WDR27: variants seen among roughly 807,000 people sequenced by gnomAD.
WDR27 encodes WD repeat-containing protein 27.
WDR27 carries 100 observed loss-of-function variants against 114.4 expected under a neutral mutation model. That is an observed-to-expected ratio of 0.87 (90% CI 0.74 to 1.03). WDR27 has a LOEUF of 1.03. Among genes scored for constraint, WDR27 ranks in the 50% least tolerant of loss-of-function variants. The pLI, the probability that WDR27 is intolerant of heterozygous loss-of-function variation, is 0.00. For missense variants in WDR27, 1,129 were observed against 1,092.9 expected, an observed-to-expected ratio of 1.03 and a Z score of -0.47; for synonymous variants, 449 against 423.1, an observed-to-expected ratio of 1.06 and a Z score of -0.75.
chr6:169,454,501 A>G (rs1414159716), downstream of WDR27, among the ~76,000 whole-genome samples: 3 of 152,200 alleles, frequency 2.0e-5, no homozygotes, highest in African/African-American at 2.4e-5. Flanking sequence ...TCCTCCTTCA[A>G]TAAGTCTGAA....
In WDR27 at chr6:169,550,668, G is replaced by A. The variant is rs376790093; in HGVS notation, c.2645+21751C>T. Reference sequence around the variant, plus strand: ...ACTGCTAACCTCAAGTGATCCACTCGCCTCAGCCTCCCAAAGTGCTGGGAT... The same window carrying A: ...ACTGCTAACCTCAAGTGATCCACTCACCTCAGCCTCCCAAAGTGCTGGGAT... On this transcript the variant is annotated intron_variant, in intron 25 of 25. Transcript: ENST00000448612. Among the ~76,000 whole-genome samples the A allele has an allele frequency of 1.6e-4, 24 of 151,808 alleles. No homozygotes were observed. The East Asian group carries it at 3.9e-3, about 25-fold the overall frequency.
At chr6:169,613,683 T>A (rs373861171) in intron 21 of WDR27, 27 bp from the exon 22 acceptor site, 71 of 1,582,156 alleles carry the variant, frequency 4.5e-5, no homozygotes, top group Non-Finnish European at 6.2e-5. Flanking sequence ...GAAATCAAGA[T>A]GTACTTTCAA....
At chr6:169,654,178 A>G (rs1231534045) in intron 13 of WDR27, among the ~76,000 whole-genome samples, 1 of 152,240 alleles carries the variant, frequency 6.6e-6, no homozygotes, top group African/African-American at 2.4e-5. Context: ...CAACACAACA[A>G]AAAGAGTATA....
intron 25 of WDR27, among the ~76,000 whole-genome samples, chr6:169,508,793 T>G (rs1019615785): frequency 5.3e-5 from 8 of 152,260 alleles, no homozygotes; most frequent in Non-Finnish European, 1.2e-4. Context: ...GTAGATACTT[T>G]GTAGAAAATA....
At chr6:169,467,278 G>C (rs914643435) in intron 25 of WDR27, among the ~76,000 whole-genome samples, 2 of 152,170 alleles carry the variant, frequency 1.3e-5, no homozygotes, top group Non-Finnish European at 2.9e-5. Flanking sequence ...TACCATTCTG[G>C]GGTCTGGAGG....
intron 1 of WDR27, among the ~76,000 whole-genome samples, chr6:169,694,827 G>A (rs545167522): frequency 1.2e-4 from 18 of 152,368 alleles, no homozygotes; most frequent in South Asian, 6.2e-4. Flanking sequence ...GCCTCCCACC[G>A]TTGCAGGGCG....
chr6:169,477,014 C>A (rs1787271987), intron 25 of WDR27, among the ~76,000 whole-genome samples: 1 of 152,182 alleles, frequency 6.6e-6, no homozygotes, highest in African/African-American at 2.4e-5. Flanking sequence ...GATCAAGAAT[C>A]TCCTTTTTAT....
chr6:169,684,043 T>C lies in WDR27; in HGVS notation c.189+4774A>G, dbSNP rs1237369509. 5.3e-5 allele frequency among the ~76,000 whole-genome samples: 8 copies of C among 152,170 alleles called. No individual in the cohort carries two copies. The highest frequency in any genetic ancestry group is 1.2e-4 in the Non-Finnish European group (8 of 68,030). On this transcript the variant is annotated intron_variant, in intron 2 of 25. Coordinates refer to ENST00000448612, the MANE Select transcript of WDR27 (RefSeq NM_182552.5). This position sits in a 1 kb window ranked among gnomAD's most constrained non-coding sequence, Gnocchi z 4.3. ...TCCAGCCCTGGGGCTCCATCTTTAC[T>C]ATACCAAGCCCACATGAGTGGCTGA...
At chr6:169,481,616 G>A (rs1455763883) in intron 25 of WDR27, among the ~76,000 whole-genome samples, 5 of 151,718 alleles carry the variant, frequency 3.3e-5, no homozygotes, top group African/African-American at 1.2e-4. Flanking sequence ...TAGAAGGAAC[G>A]AACAACTCCA....
chr6:169,445,318 A>G, the WDR27 span, among the ~76,000 whole-genome samples: 1 of 152,058 alleles, frequency 6.6e-6, no homozygotes, highest in Non-Finnish European at 1.5e-5. Context: ...GAAAATCCCT[A>G]ATAAATACAC....
chr6:169,565,117 C>T (rs1347469820), intron 25 of WDR27, among the ~76,000 whole-genome samples: 1 of 152,228 alleles, frequency 6.6e-6, no homozygotes, highest in Admixed American at 6.5e-5. Flanking sequence ...ACCTTGCTTA[C>T]ACGGCGGGAG....
intron 25 of WDR27, among the ~76,000 whole-genome samples, chr6:169,465,562 G>A (rs77814153): frequency 1.3e-5 from 2 of 152,070 alleles, no homozygotes; most frequent in Admixed American, 6.5e-5. Flanking sequence ...CAAAAGAACT[G>A]AACGTAGGGT....
At chr6:169,557,587 A>C (rs1032841486) in intron 25 of WDR27, among the ~76,000 whole-genome samples, 3 of 152,146 alleles carry the variant, frequency 2.0e-5, no homozygotes, top group Non-Finnish European at 4.4e-5. Context: ...CTTTATCTTC[A>C]ATCTTTCCTT....
intron 25 of WDR27, among the ~76,000 whole-genome samples, chr6:169,516,819 A>G (rs1172697686): frequency 6.6e-6 from 1 of 150,850 alleles, no homozygotes; most frequent in Admixed American, 6.6e-5. Flanking sequence ...ACACACACAC[A>G]CACACACACA....
chr6:169,471,109 G>C (rs1255003926), intron 25 of WDR27, among the ~76,000 whole-genome samples: 1 of 151,594 alleles, frequency 6.6e-6, no homozygotes, highest in African/African-American at 2.4e-5. Context: ...GCTGACTACA[G>C]AGTCTTGGTG....
chr6:169,694,240 G>A (rs572803671), intron 1 of WDR27, among the ~76,000 whole-genome samples: 179 of 152,258 alleles, frequency 1.2e-3, no homozygotes, highest in African/African-American at 4.0e-3. Context: ...TAACCTGGGA[G>A]GCTGAGTATG....
At chr6:169,608,354 A>G (rs1011323975) in intron 22 of WDR27, among the ~76,000 whole-genome samples, 3 of 152,188 alleles carry the variant, frequency 2.0e-5, no homozygotes, top group African/African-American at 7.2e-5. Flanking sequence ...GTATTAGTCC[A>G]TTTTAATGCT....
At chr6:169,533,435 A>T (rs903590054) in intron 25 of WDR27, among the ~76,000 whole-genome samples, 20 of 152,170 alleles carry the variant, frequency 1.3e-4, no homozygotes, top group African/African-American at 4.8e-4. Flanking sequence ...CTAAATAGAA[A>T]ACAATGGAGA....
At chr6:169,500,991 ATTCTCTACGTT>A (rs1232275535) in intron 25 of WDR27, among the ~76,000 whole-genome samples, 2 of 152,188 alleles carry the variant, frequency 1.3e-5, no homozygotes, top group Non-Finnish European at 2.9e-5. Context: ...AGAGGCCGGG[ATTCTCTACGTT>A]TTCGAACTCC....
Sources: gnomAD v4.1 joint callset for allele counts (sites outside exome capture counted in the v4.1 genomes callset) on GRCh38, gnomAD v4.1.1 for gene constraint, Gnocchi (gnomAD v3.1) non-coding constraint, MANE v1.5 for transcripts, NCBI Gene and HGNC (gene_info 2026-07-23, HGNC 2026-07-21) for gene names.